Variants in GRIA2 observed in about 807,000 individuals in gnomAD.
GRIA2 encodes glutamate ionotropic receptor AMPA type subunit 2.
GRIA2 carries 14 observed loss-of-function variants against 97.3 expected under a neutral mutation model. That is an observed-to-expected ratio of 0.14 (90% confidence interval 0.10 to 0.23). GRIA2 has a LOEUF of 0.23. Ranked by LOEUF, GRIA2 falls within the 10% of genes least tolerant of loss-of-function variation. The pLI is 1.00. For missense variants in GRIA2, 558 were observed against 1,069.8 expected, an observed-to-expected ratio of 0.52 and a Z score of 6.67; for synonymous variants, 412 against 387.8, an observed-to-expected ratio of 1.06 and a Z score of -0.73.
chr4:157,255,562 A>G (rs982613366), intron 2 of GRIA2, among the ~76,000 whole-genome samples: 1 of 151,938 alleles, frequency 6.6e-6, no homozygotes, highest in South Asian at 2.1e-4. Flanking sequence ...GTCCTCACCA[A>G]CATCTGTTGT....
At chr4:157,355,875 T>G (rs1388719404) in intron 12 of GRIA2, among the ~76,000 whole-genome samples, 1 of 53,118 alleles carries the variant, frequency 1.9e-5, no homozygotes, top group Non-Finnish European at 3.6e-5. Context: ...ATTAACATAT[T>G]TATATATATT....
At position 157,361,028 on chromosome 4, in the gene GRIA2, A is replaced by G; in HGVS notation, c.2310A>G (p.Ala770=). The G allele has an allele frequency of 1.2e-6, 2 of 1,611,782 alleles. No homozygotes were observed. Residue 770 remains alanine (A), a synonymous_variant, in exon 14 of 16, where the codon GCA becomes GCG. Transcript: ENST00000264426. The surrounding 1 kb of genome is among the most constrained non-coding windows in gnomAD (Gnocchi z 5.2). ...GSSLRNAVNL[A]VLKLNEQGLL... is the part of the protein sequence containing the mutation. ...TTTCAAGAAATGCGGTTAACCTCGC[A>G]GTACTAAAACTGAATGAACAAGGCC...
At chr4:157,241,307 G>A (rs1650088110) in intron 2 of GRIA2, among the ~76,000 whole-genome samples, 1 of 151,918 alleles carries the variant, frequency 6.6e-6, no homozygotes, top group Non-Finnish European at 1.5e-5. Flanking sequence ...TGTTTTTTGT[G>A]CATTTATTAT....
intron 2 of GRIA2, among the ~76,000 whole-genome samples, chr4:157,266,795 A>G (rs1382108797): frequency 6.6e-6 from 1 of 152,094 alleles, no homozygotes; most frequent in Non-Finnish European, 1.5e-5. Context: ...GGCCAGTTGC[A>G]GTGGCTCATG....
chr4:157,330,105 T>A (rs1310011373), intron 6 of GRIA2, among the ~76,000 whole-genome samples: 4 of 151,948 alleles, frequency 2.6e-5, no homozygotes, highest in Admixed American at 6.6e-5. Flanking sequence ...CATGAATATT[T>A]TTCCCTACCT....
chr4:157,245,437 C>T (rs1455318667), intron 2 of GRIA2, among the ~76,000 whole-genome samples: 1 of 152,028 alleles, frequency 6.6e-6, no homozygotes. Context: ...AAACAAGTCT[C>T]CTGAATCTTC....
intron 3 of GRIA2, among the ~76,000 whole-genome samples, chr4:157,306,135 G>T (rs1434086694): frequency 1.3e-5 from 2 of 152,120 alleles, no homozygotes; most frequent in African/African-American, 4.8e-5. Flanking sequence ...CTTTGATAAG[G>T]TTGACTGAGG....
At chr4:157,324,906 GATT>G (rs545627367) in intron 6 of GRIA2, among the ~76,000 whole-genome samples, 221 of 152,232 alleles carry the variant, frequency 1.5e-3, no homozygotes, top group African/African-American at 5.1e-3. Flanking sequence ...TTTCTAATGA[GATT>G]ATTAACAATG....
rs774524858 is a variant in GRIA2 at position 157,341,271 on chromosome 4, T to G, written c.1852T>G (p.Ser618Ala). 6.2e-7 allele frequency: 1 copy of G among 1,610,044 alleles called. No individual in the cohort carries two copies. Among genetic ancestry groups the G allele is most frequent in the Admixed American group, 1.7e-5 (1 of 59,906 alleles). Residue 618 changes from serine (S) to alanine (A), a missense_variant, in exon 12 of 16, where the codon TCT becomes GCT. Physicochemically the swap from Ser to Ala is moderately conservative, Grantham distance 99. This residue lies in a region of GRIA2 where 125 missense variants were observed against 310.2 expected (regional missense o/e 0.40). Transcript: ENST00000264426. ...QGCDISPRSL[S>A]GRIVGGVWWF... is the part of the protein sequence containing the mutation. ...TTTCATACTTGTTATTAGATCCCTC[T>G]CTGGGCGCATTGTTGGAGGTGTGTG... is the stretch of plus-strand genomic sequence containing the variant.
At position 157,361,202 on chromosome 4, in the gene GRIA2, C is replaced by T. The variant is rs1736617414; in HGVS notation, c.2406+78C>T. ...AGCAGCTATGCACAGTGTGGGCACT[C>T]CGTGCCACCAAGTTTCCAACGCTAA... On this transcript the variant is annotated intron_variant, in intron 14 of 15. Coordinates refer to ENST00000264426, the MANE Select transcript of GRIA2 (RefSeq NM_001083619.3). This position sits in a 1 kb window ranked among gnomAD's most constrained non-coding sequence, Gnocchi z 5.2. 6.3e-6 allele frequency: 7 copies of T among 1,103,948 alleles called. No homozygotes were observed. The highest frequency in any genetic ancestry group is 9.5e-6 in the Non-Finnish European group (7 of 738,362). The allele number at this position is 1,103,948 out of a possible 1,614,324, so 68.4% of individuals were successfully genotyped here. A position where few individuals can be genotyped will look rare whatever the true frequency, so the allele number is the denominator to read the frequency against.
At chr4:157,257,722 A>C (rs1429880526) in intron 2 of GRIA2, among the ~76,000 whole-genome samples, 1 of 152,084 alleles carries the variant, frequency 6.6e-6, no homozygotes, top group East Asian at 1.9e-4. Context: ...TTTATCCAGC[A>C]CAATTGAAGA....
chr4:157,277,749 G>A lies in GRIA2; in HGVS notation c.230-25803G>A, dbSNP rs1277449857. On this transcript the variant is annotated intron_variant, in intron 2 of 15. Transcript: ENST00000264426. Reference sequence around the variant, plus strand: ...CAACAACATTGAACCAGAAGAATTTGCAATTAAAAATACAACCCCCCACGA... The same window carrying A: ...CAACAACATTGAACCAGAAGAATTTACAATTAAAAATACAACCCCCCACGA... Among the ~76,000 whole-genome samples, 4 of 149,366 alleles carry A rather than the reference G, an allele frequency of 2.7e-5. No homozygotes were observed. In the East Asian group the frequency reaches 7.9e-4, roughly 29 times the overall value.
At chr4:157,238,495 A>G (rs1480493431) in intron 2 of GRIA2, among the ~76,000 whole-genome samples, 1 of 152,120 alleles carries the variant, frequency 6.6e-6, no homozygotes, top group Non-Finnish European at 1.5e-5. Context: ...ATTTTAATGT[A>G]TCTTTGATAG....
At chr4:157,296,079 C>T (rs1476672009) in intron 2 of GRIA2, among the ~76,000 whole-genome samples, 4 of 152,102 alleles carry the variant, frequency 2.6e-5, no homozygotes, top group Non-Finnish European at 2.9e-5. Context: ...TGTACTTTTT[C>T]AGGTTGGTAA....
intron 2 of GRIA2, among the ~76,000 whole-genome samples, chr4:157,255,315 A>G (rs943698042): frequency 2.0e-5 from 3 of 152,012 alleles, no homozygotes; most frequent in African/African-American, 7.2e-5. Flanking sequence ...ACTGATGGAC[A>G]TTTACGTTTA....
chr4:157,293,947 C>T (rs1332066784), intron 2 of GRIA2, among the ~76,000 whole-genome samples: 1 of 152,018 alleles, frequency 6.6e-6, no homozygotes, highest in Non-Finnish European at 1.5e-5. Context: ...TGGCCCAGAG[C>T]ATTTAGCATA....
At chr4:157,312,078 G>A (rs766677154) in intron 3 of GRIA2, among the ~76,000 whole-genome samples, 2 of 151,606 alleles carry the variant, frequency 1.3e-5, no homozygotes, top group Admixed American at 6.6e-5. Flanking sequence ...AATTTCTCTG[G>A]GATCATTCCC....
intron 2 of GRIA2, among the ~76,000 whole-genome samples, chr4:157,236,202 G>A (rs565368826): frequency 5.3e-5 from 8 of 152,032 alleles, no homozygotes; most frequent in Non-Finnish European, 1.0e-4. Flanking sequence ...TTAGCTTCTT[G>A]TGGTCTTTAT....
chr4:157,334,154 A>C, intron 9 of GRIA2, 34 bp downstream of exon 9: 1 of 1,009,370 alleles, frequency 9.9e-7, no homozygotes. Context: ...TTTACTTTGT[A>C]TTTTCTTATG....
Sources: allele counts gnomAD v4.1 joint callset (sites outside exome capture counted in the v4.1 genomes callset), GRCh38; gene constraint gnomAD v4.1.1; regional missense constraint gnomAD v4.1.1; non-coding constraint Gnocchi (gnomAD v3.1); transcripts MANE v1.5; gene names NCBI Gene and HGNC (gene_info 2026-07-23, HGNC 2026-07-21).